Variants in BUB1 observed in about 807,000 individuals in gnomAD.
BUB1 encodes mitotic checkpoint serine/threonine-protein kinase BUB1.
A neutral mutation model predicts 135.2 loss-of-function variants in BUB1; 84 were observed. That is an observed-to-expected ratio of 0.62 (90% CI 0.52 to 0.74). The LOEUF (loss-of-function observed/expected upper bound fraction) is 0.74. BUB1 is among the 30% of genes least tolerant of loss of function. BUB1 has a pLI of 0.00. For synonymous variants in BUB1, 403 were observed against 434.4 expected (o/e 0.93, Z 0.90); for missense variants, 1,162 against 1,288.3 (o/e 0.90, Z 1.50).
At chr2:110,651,421 G>A (rs1410560444) in intron 17 of BUB1, among the ~76,000 whole-genome samples, 2 of 151,978 alleles carry the variant, frequency 1.3e-5, no homozygotes, top group African/African-American at 4.8e-5. Context: ...CTTATAGAAT[G>A]ATATAAAGAA....
At chr2:110,667,488 T>G in intron 8 of BUB1, 33 bp downstream of exon 8, 1 of 1,572,240 alleles carries the variant, frequency 6.4e-7, no homozygotes, top group African/African-American at 1.4e-5. Flanking sequence ...TTATGTGACA[T>G]AAGAATAACT....
At chr2:110,639,587 TGTGCCCA>T (rs1277905153) in intron 24 of BUB1, among the ~76,000 whole-genome samples, 148 bp downstream of exon 24, 16 of 151,738 alleles carry the variant, frequency 1.1e-4, no homozygotes, top group Non-Finnish European at 2.1e-4. Context: ...GCTTGCTCCC[TGTGCCCA>T]GTGCCCAGGA....
chr2:110,672,999 G>T, intron 3 of BUB1, 142 bp from the exon 4 acceptor site: 1 of 804,478 alleles, frequency 1.2e-6, no homozygotes, highest in Non-Finnish European at 1.8e-6. Context: ...CAGGTTTAGA[G>T]GGTTGGACTT....
intron 9 of BUB1, chr2:110,662,066 C>T (rs1559171523): frequency 2.0e-6 from 1 of 507,364 alleles, no homozygotes. Flanking sequence ...CAGACACCAT[C>T]AGCAGCTTAT....
At position 110,640,566 on chromosome 2, in the gene BUB1, GGC is replaced by G. The variant is rs1349313671; in HGVS notation, c.2955+466_2955+467del. 2.6e-5 allele frequency among the ~76,000 whole-genome samples: 4 copies of G among 152,148 alleles called. No homozygotes were observed. The East Asian group carries it at 7.7e-4, about 29-fold the overall frequency. On this transcript the variant is annotated intron_variant, in intron 23 of 24. Transcript: ENST00000302759. ...TCTTGATCTGGCCAGTTAGGAATCT[GGC>G]TGTACCATCTATTACAGTCAAACCC...
chr2:110,650,604 A>G lies in BUB1; in HGVS notation c.2145T>C (p.Ile715=). 1 of 1,613,960 alleles carries G rather than the reference A, an allele frequency of 6.2e-7. No homozygotes were observed. Among genetic ancestry groups the G allele is most frequent in the Non-Finnish European group, 8.5e-7 (1 of 1,179,952 alleles). Residue 715 remains isoleucine (I), a synonymous_variant, in exon 18 of 25, where the codon ATT becomes ATC. Coordinates refer to ENST00000302759, the MANE Select transcript of BUB1 (RefSeq NM_004336.5). ...GCATCCATTCTGCTTGGAGCCCAGC[A>G]ATAGCATCTGGTGGATCTTCTGCAA... ...AAIAEDPPDA[I]AGLQAEWMQM... is the part of the protein sequence containing the mutation.
chr2:110,666,110 T>C, intron 9 of BUB1, 153 bp downstream of exon 9: 3 of 717,510 alleles, frequency 4.2e-6, no homozygotes, highest in Non-Finnish European at 5.8e-6. Flanking sequence ...CACTCTACAT[T>C]GTGAACGTCT....
Position 110,655,892 on chromosome 2 carries a change from A to G in BUB1, c.1723T>C (p.Phe575Leu). 1 of 1,613,196 alleles carries G rather than the reference A, an allele frequency of 6.2e-7. No individual in the cohort carries two copies. ...PKEEVPHAEEFLDDSTVWGIR... is the reference protein window; with the variant it reads ...PKEEVPHAEELLDDSTVWGIR... ...CCCCATACAGTTGAGTCATCCAAAA[A>G]CTCTTCAGCATGAGGCACTTCCTCC... Residue 575 changes from phenylalanine (F) to leucine (L), a missense_variant, in exon 16 of 25, where the codon TTT (phenylalanine) becomes CTT (leucine). Coordinates refer to ENST00000302759, the MANE Select transcript of BUB1 (RefSeq NM_004336.5).
intron 19 of BUB1, among the ~76,000 whole-genome samples, chr2:110,647,286 A>C (rs1472137823): frequency 1.3e-5 from 2 of 152,198 alleles, no homozygotes; most frequent in Non-Finnish European, 2.9e-5. Context: ...ACACGGATAC[A>C]AACATCTTCA....
intron 13 of BUB1, among the ~76,000 whole-genome samples, 170 bp from the exon 14 acceptor site, chr2:110,657,815 C>T (rs1423863266): frequency 6.6e-6 from 1 of 152,152 alleles, no homozygotes; most frequent in East Asian, 1.9e-4. Context: ...AGTGACTTAA[C>T]TATGGTAACA....
At position 110,657,595 on chromosome 2, in the gene BUB1, A is replaced by G; in HGVS notation, c.1567T>C (p.Leu523=). The change falls in exon 14 of 25, where the codon TTG becomes CTG. Residue 523 remains leucine, a synonymous_variant. Transcript: ENST00000302759. ...TCAAACACATGAAAAGCAGATGACA[A>G]AGAAGAGATGATCTTATTGACTCCC... is the stretch of plus-strand genomic sequence containing the variant. The part of the protein sequence containing the change: ...AWGVNKIISS[L]SSAFHVFEDG... 6.2e-7 allele frequency: 1 copy of G among 1,608,308 alleles called. No homozygotes were observed. Among genetic ancestry groups the G allele is most frequent in the South Asian group, 1.1e-5 (1 of 90,090 alleles).
chr2:110,655,960 T>C lies in BUB1; in HGVS notation c.1699-44A>G, dbSNP rs764998980. ...TGAAAAAAAAGCAGCAATCTCCCTC[T>C]TTAGTCCATGAAACCTTATTCAATA... On this transcript the variant is annotated intron_variant, in intron 15 of 24. Transcript: ENST00000302759. 1.9e-6 allele frequency: 3 copies of C among 1,572,068 alleles called. No individual in the cohort carries two copies. The South Asian group carries it at 3.4e-5, about 18-fold the overall frequency.
intron 9 of BUB1, among the ~76,000 whole-genome samples, chr2:110,662,799 C>T (rs1690133737): frequency 6.6e-6 from 1 of 152,026 alleles, no homozygotes; most frequent in African/African-American, 2.4e-5. Context: ...GAGCCCCTGC[C>T]TCAAAACACA....
In BUB1 at chr2:110,661,599, C is replaced by T. The variant is rs1690097242; in HGVS notation, c.1200G>A (p.Val400=). 1.2e-6 allele frequency: 2 copies of T among 1,613,978 alleles called. No individual in the cohort carries two copies. Among genetic ancestry groups the T allele is most frequent in the South Asian group, 1.1e-5 (1 of 91,072 alleles). The part of the protein sequence containing the change: ...AQTVTDSMFA[V]ASKDAGCVNK... ...CAGCTTACCCAGCATCTTTGCTGGC[C>T]ACTGCAAACATGGAGTCTGTTACTG... Residue 400 remains valine, a synonymous_variant, in exon 10 of 25, where the codon GTG becomes GTA. Transcript: ENST00000302759.
chr2:110,651,186 C>G (rs183323921), intron 17 of BUB1, among the ~76,000 whole-genome samples: 15 of 152,196 alleles, frequency 9.9e-5, no homozygotes, highest in African/African-American at 3.4e-4. Context: ...ATACAACACT[C>G]CAGTACACTT....
At position 110,646,334 on chromosome 2, in the gene BUB1, T is replaced by C. The variant is rs562800265; in HGVS notation, c.2347+2900A>G. Reference sequence around the variant, plus strand: ...CTGGATGACAGAGTGATACCCTGTTTCAACACAGAAAGAAAAGAAGGGGAG... The same window carrying C: ...CTGGATGACAGAGTGATACCCTGTTCCAACACAGAAAGAAAAGAAGGGGAG... On this transcript the variant is annotated intron_variant, in intron 19 of 24. Transcript: ENST00000302759. Among the ~76,000 whole-genome samples the C allele has an allele frequency of 6.7e-3, 747 of 111,466 alleles. 10 individuals are homozygous for C. Among genetic ancestry groups the C allele is most frequent in the African/African-American group, 0.025 (713 of 28,872 alleles). 73.1% of individuals were successfully genotyped at this position (111,466 alleles called of 152,430 possible).
At chr2:110,666,792 G>A (rs1690270311) in intron 8 of BUB1, among the ~76,000 whole-genome samples, 1 of 152,126 alleles carries the variant, frequency 6.6e-6, no homozygotes, top group Admixed American at 6.5e-5. Context: ...AAAATTTCTA[G>A]AGACTTTCTA....
rs1689919719 is a variant in BUB1, at chr2:110,655,877, T to G, written c.1738A>C (p.Thr580Pro). 1.9e-6 allele frequency: 3 copies of G among 1,613,696 alleles called. No individual in the cohort carries two copies. Among genetic ancestry groups the G allele is most frequent in the Non-Finnish European group, 1.7e-6 (2 of 1,179,794 alleles). Residue 580 changes from threonine (T) to proline (P), a missense_variant, in exon 16 of 25, where the codon ACT becomes CCT. Physicochemically the swap from Thr to Pro is conservative, Grantham distance 38 (BLOSUM62 -1). Coordinates refer to ENST00000302759, the MANE Select transcript of BUB1 (RefSeq NM_004336.5). Reference sequence around the variant, plus strand: ...TTGTTGCAGCGAATACCCCATACAGTTGAGTCATCCAAAAACTCTTCAGCA... The same window carrying G: ...TTGTTGCAGCGAATACCCCATACAGGTGAGTCATCCAAAAACTCTTCAGCA... ...PHAEEFLDDS[T>P]VWGIRCNKTL...
chr2:110,657,474 C>T, intron 14 of BUB1, 72 bp downstream of exon 14: 1 of 1,155,236 alleles, frequency 8.7e-7, no homozygotes, highest in Non-Finnish European at 1.2e-6. Context: ...ACATTCTCTC[C>T]TCACCACCCC....
Sources: allele counts gnomAD v4.1 joint callset (sites outside exome capture counted in the v4.1 genomes callset), GRCh38; gene constraint gnomAD v4.1.1; transcripts MANE v1.5; gene names NCBI Gene and HGNC (gene_info 2026-07-23, HGNC 2026-07-21).